Variants in AGL observed in about 807,000 individuals in gnomAD.
The protein encoded by AGL is glycogen debranching enzyme.
AGL carries 128 observed loss-of-function variants against 199.3 expected under a neutral mutation model. That is an observed-to-expected ratio of 0.64 (90% CI 0.56 to 0.74). AGL has a LOEUF of 0.74. Ranked by LOEUF, AGL falls within the 30% of genes least tolerant of loss-of-function variation. AGL has a pLI of 0.00. For synonymous variants in AGL, 584 were observed against 594.7 expected (o/e 0.98, Z 0.26); for missense variants, 1,809 against 1,820.8 (o/e 0.99, Z 0.12).
intron 5 of AGL, among the ~76,000 whole-genome samples, chr1:99,867,825 T>C (rs1650653717): frequency 1.3e-5 from 2 of 152,088 alleles, no homozygotes; most frequent in South Asian, 4.1e-4. Context: ...CACCCGGCCG[T>C]GTTGCAGAAG....
In AGL at chr1:99,851,052, A is replaced by G; in HGVS notation, c.10A>G (p.Ser4Gly). The stretch of plus-strand genomic sequence containing the variant: ...TCCTCTAGAAGCCAAAATGGGACAC[A>G]GTAAACAGATTCGAATTTTACTTCT... The part of the protein sequence containing the change: MGH[S>G]KQIRILLLNE... The change falls in exon 2 of 34, where the codon AGT (serine) becomes GGT (glycine). Residue 4 changes from serine to glycine, a missense_variant. By Grantham distance (56) the Ser-to-Gly change is moderately conservative (BLOSUM62 0). Transcript: ENST00000361915. 1.2e-6 allele frequency: 2 copies of G among 1,614,008 alleles called. No homozygotes were observed. The highest frequency in any genetic ancestry group is 1.1e-5 in the South Asian group (1 of 91,082).
In AGL at chr1:99,864,179, A is replaced by G. The variant is rs188436927; in HGVS notation, c.461-207A>G. Among the ~76,000 whole-genome samples the G allele has an allele frequency of 1.4e-3, 207 of 152,344 alleles. 2 individuals carry two copies. Among genetic ancestry groups the G allele is most frequent in the Non-Finnish European group, 2.4e-3 (163 of 68,030 alleles). On this transcript the variant is annotated intron_variant, in intron 4 of 33. Coordinates refer to ENST00000361915, the MANE Select transcript of AGL (RefSeq NM_000642.3). ...TTATCTCTGTCTTGTATATGAGGAC[A>G]CATATCTTGAAAGATTTAAATAAAC...
intron 20 of AGL, among the ~76,000 whole-genome samples, chr1:99,887,546 TA>T (rs753616642): frequency 6.6e-6 from 1 of 152,064 alleles, no homozygotes; most frequent in African/African-American, 2.4e-5. Context: ...TAGTATACAA[TA>T]ACTAGCATAA....
At position 99,862,334 on chromosome 1, in the gene AGL, T is replaced by A. The variant is rs2101087241; in HGVS notation, c.371T>A (p.Leu124Ter). The A allele has an allele frequency of 1.2e-6, 2 of 1,614,128 alleles. No homozygotes were observed. Among genetic ancestry groups the A allele is most frequent in the East Asian group, 4.5e-5 (2 of 44,862 alleles). ...RVGADNHVLP[L>*]DCVTLQTFLA... ...GGTGCTGATAATCATGTGCTACCCT[T>A]GGACTGTGTTACTCTTCAGACATTT... is the stretch of plus-strand genomic sequence containing the variant. The change falls in exon 4 of 34, where the codon TTG becomes TAG. Residue 124 changes from leucine (L) to a stop codon, truncating the protein, a stop_gained. Coordinates refer to ENST00000361915, the MANE Select transcript of AGL (RefSeq NM_000642.3). LOFTEE classifies it high-confidence loss of function.
At position 99,900,732 on chromosome 1, in the gene AGL, T is replaced by C; in HGVS notation, c.3459T>C (p.Ala1153=). The change falls in exon 26 of 34, where the codon GCT becomes GCC. Residue 1153 remains alanine, a synonymous_variant. Transcript: ENST00000361915. The part of the protein sequence containing the change: ...GIYARYNCRD[A]VWWWLQCIQD... ...ATGCCAGATACAATTGTCGGGATGC[T>C]GTGTGGTGGTGGCTGCAGTGTATCC... 1 of 1,614,172 alleles carries C rather than the reference T, an allele frequency of 6.2e-7. No individual in the cohort carries two copies. The highest frequency in any genetic ancestry group is 8.5e-7 in the Non-Finnish European group (1 of 1,180,004).
At chr1:99,867,895 C>G (rs560652033) in intron 5 of AGL, among the ~76,000 whole-genome samples, 2 of 152,154 alleles carry the variant, frequency 1.3e-5, no homozygotes, top group East Asian at 3.9e-4. Flanking sequence ...CCCCTACTTG[C>G]AGAGCTGACA....
intron 28 of AGL, 47 bp from the exon 29 acceptor site, chr1:99,912,354 GTACT>G (rs777685752): frequency 7.4e-7 from 1 of 1,354,830 alleles, no homozygotes; most frequent in Non-Finnish European, 1.1e-6. Flanking sequence ...CCTTTAAATA[GTACT>G]TAAAGGACGC....
chr1:99,888,241 A>C, intron 21 of AGL, 133 bp downstream of exon 21: 1 of 1,160,146 alleles, frequency 8.6e-7, no homozygotes, highest in Non-Finnish European at 1.2e-6. Context: ...CTGCTCATTA[A>C]TTGACCTTTG....
intron 25 of AGL, among the ~76,000 whole-genome samples, chr1:99,899,359 C>A (rs532071288): frequency 3.7e-4 from 56 of 152,234 alleles, no homozygotes; most frequent in African/African-American, 1.3e-3. Flanking sequence ...TAATTTCATG[C>A]TGTTTCTAGA....
At chr1:99,884,931 A>G (rs1276247623) in intron 20 of AGL, among the ~76,000 whole-genome samples, 1 of 152,332 alleles carries the variant, frequency 6.6e-6, no homozygotes, top group East Asian at 1.9e-4. Context: ...ACATGCCTAC[A>G]TGCATACATA....
chr1:99,915,553 A>ATTTTT, intron 31 of AGL, 67 bp downstream of exon 31: 2 of 1,035,600 alleles, frequency 1.9e-6, no homozygotes, highest in Non-Finnish European at 2.8e-6. Context: ...ATCAACCATA[A>ATTTTT]TTTTTTTTTT....
rs181431288 is a variant in AGL at position 99,855,133 on chromosome 1, G to A, written c.82+4009G>A. On this transcript the variant is annotated intron_variant, in intron 2 of 33. Transcript: ENST00000361915. The stretch of plus-strand genomic sequence containing the variant: ...GGAGAATTGCTTGAATCCAGGATGC[G>A]GAGGTTTCAGTAAGCCAAGATCGTG... Among the ~76,000 whole-genome samples the A allele has an allele frequency of 2.9e-3, 448 of 152,126 alleles. 7 individuals carry two copies. The highest frequency in any genetic ancestry group is 0.01 in the African/African-American group (429 of 41,478).
rs1655560313 is a variant in AGL, at chr1:99,922,214, AT to A, written c.*564del. On this transcript the variant is annotated 3_prime_UTR_variant, in exon 34 of 34. Transcript: ENST00000361915. ...ACTATGCTTTCATTTTTTCACTGATATATTAATTTTTGTGTAATGAATGCCA... is the reference window on the plus strand; with the variant it reads ...ACTATGCTTTCATTTTTTCACTGATAATTAATTTTTGTGTAATGAATGCCA... The A allele has an allele frequency of 6.6e-6, 1 of 151,848 alleles. No individual in the cohort carries two copies. Among genetic ancestry groups the A allele is most frequent in the Non-Finnish European group, 1.5e-5 (1 of 67,854 alleles). 9.4% of individuals were successfully genotyped at this position (151,848 alleles called of 1,614,324 possible). A position where few individuals can be genotyped will look rare whatever the true frequency, so the allele number is the denominator to read the frequency against.
chr1:99,869,347 A>C (rs1272786278), intron 5 of AGL, among the ~76,000 whole-genome samples: 3 of 152,156 alleles, frequency 2.0e-5, no homozygotes, highest in Admixed American at 6.5e-5. Flanking sequence ...ATGAATAAAT[A>C]CTAAGTAAAT....
chr1:99,907,693 G>GTTTTTTTTTTTTTTTTTTTTTTTTTT lies in AGL; in HGVS notation c.3701-3011_3701-3010insTTTTTTTTTTTTTTTTTTTTTTTTTT, dbSNP rs71075465. On this transcript the variant is annotated intron_variant, in intron 27 of 33. Coordinates refer to ENST00000361915, the MANE Select transcript of AGL (RefSeq NM_000642.3). ...TTTTGTTCGTTTGTTTTTGTTTTTT[G>GTTTTTTTTTTTTTTTTTTTTTTTTTT]TTTTTTTTGCTAGTAGCCATCCTAA... 1.6e-4 allele frequency among the ~76,000 whole-genome samples: 19 copies of GTTTTTTTTTTTTTTTTTTTTTTTTTT among 118,958 alleles called. 1 individual carries two copies. Among genetic ancestry groups the GTTTTTTTTTTTTTTTTTTTTTTTTTT allele is most frequent in the East Asian group, 2.7e-4 (1 of 3,682 alleles). 78.0% of individuals were successfully genotyped at this position (118,958 alleles called of 152,430 possible).
At chr1:99,862,887 C>T (rs577954) in intron 4 of AGL, among the ~76,000 whole-genome samples, 1 of 151,856 alleles carries the variant, frequency 6.6e-6, no homozygotes, top group African/African-American at 2.4e-5. Flanking sequence ...CTTTTTGCCT[C>T]TATGTTTAAT....
chr1:99,863,333 C>T (rs1650224648), intron 4 of AGL, among the ~76,000 whole-genome samples: 1 of 152,058 alleles, frequency 6.6e-6, no homozygotes, highest in Non-Finnish European at 1.5e-5. Context: ...TAATGAAACA[C>T]TTATCATTTC....
At chr1:99,849,652 G>A (rs2101050687), upstream of AGL, among the ~76,000 whole-genome samples, 1 of 152,252 alleles carries the variant, frequency 6.6e-6, no homozygotes, top group African/African-American at 2.4e-5. Context: ...TAGAAGTGAT[G>A]GACACGTGTT....
chr1:99,898,220 G>A (rs1175022241), intron 25 of AGL, among the ~76,000 whole-genome samples: 1 of 151,900 alleles, frequency 6.6e-6, no homozygotes, highest in Non-Finnish European at 1.5e-5. Flanking sequence ...CTAATTTTTT[G>A]TATTTTTAGT....
Sources: gnomAD v4.1 joint callset for allele counts (sites outside exome capture counted in the v4.1 genomes callset) on GRCh38, gnomAD v4.1.1 for gene constraint, MANE v1.5 for transcripts, NCBI Gene and HGNC (gene_info 2026-07-23, HGNC 2026-07-21) for gene names.